Variants in HSD17B4 observed in about 807,000 individuals in gnomAD.
HSD17B4 encodes the protein peroxisomal multifunctional enzyme type 2.
Under a neutral mutation model 101.0 loss-of-function variants are expected in HSD17B4, and 70 were observed. That is an observed-to-expected ratio of 0.69 (90% CI 0.57 to 0.85). The LOEUF (loss-of-function observed/expected upper bound fraction) is 0.85. HSD17B4 is among the 40% of genes least tolerant of loss of function. The pLI, the probability that HSD17B4 is intolerant of heterozygous loss-of-function variation, is 0.00. For missense variants in HSD17B4, 984 were observed against 892.4 expected, an observed-to-expected ratio of 1.10 and a Z score of -1.31; for synonymous variants, 347 against 297.1, an observed-to-expected ratio of 1.17 and a Z score of -1.73.
chr5:119,529,011 A>G (rs1209256684), intron 20 of HSD17B4, among the ~76,000 whole-genome samples: 1 of 152,136 alleles, frequency 6.6e-6, no homozygotes, highest in Non-Finnish European at 1.5e-5. Context: ...AAAGTAATTT[A>G]CTGAAGTGCA....
intron 8 of HSD17B4, among the ~76,000 whole-genome samples, chr5:119,481,448 C>T (rs928236794): frequency 3.9e-5 from 6 of 152,104 alleles, no homozygotes; most frequent in East Asian, 3.9e-4. Flanking sequence ...TCTTTCAACA[C>T]TTTAAATACA....
chr5:119,504,131 G>C (rs752365194), intron 14 of HSD17B4, among the ~76,000 whole-genome samples: 5 of 152,098 alleles, frequency 3.3e-5, no homozygotes, highest in Non-Finnish European at 5.9e-5. Context: ...TCATGGCTGC[G>C]TAGTATTCCA....
intron 22 of HSD17B4, among the ~76,000 whole-genome samples, chr5:119,532,062 A>G (rs1754162526): frequency 6.6e-6 from 1 of 152,188 alleles, no homozygotes; most frequent in African/African-American, 2.4e-5. Flanking sequence ...AAAAAGAATA[A>G]AGAAAAAATA....
intron 12 of HSD17B4, among the ~76,000 whole-genome samples, chr5:119,498,941 A>G (rs1376924671): frequency 2.6e-5 from 4 of 152,160 alleles, no homozygotes; most frequent in Non-Finnish European, 5.9e-5. Context: ...GCAGTGTTTT[A>G]CTCATCTGTT....
rs370579120 is a variant in HSD17B4 at position 119,499,338 on chromosome 5, C to T, written c.994C>T (p.Leu332Phe). Reference sequence around the variant, plus strand: ...TTAGGCTGGAGCTATTGGCCAGAAACTCCCTCCATTTTCTTATGCTTATAC... The same window carrying T: ...TTAGGCTGGAGCTATTGGCCAGAAATTCCCTCCATTTTCTTATGCTTATAC... ...SGFAGAIGQK[L>F]PPFSYAYTEL... The change falls in exon 13 of 24, where the codon CTC (leucine) becomes TTC (phenylalanine). Residue 332 changes from leucine (L) to phenylalanine (F), a missense_variant. Leu to Phe is a conservative substitution (Grantham distance 22). Transcript: ENST00000510025. The T allele has an allele frequency of 9.9e-5, 159 of 1,612,706 alleles. No homozygotes were observed. Among genetic ancestry groups the T allele is most frequent in the Non-Finnish European group, 1.3e-4 (154 of 1,178,858 alleles).
At chr5:119,501,685 A>G (rs1444174136) in intron 13 of HSD17B4, among the ~76,000 whole-genome samples, 1 of 152,140 alleles carries the variant, frequency 6.6e-6, no homozygotes, top group Non-Finnish European at 1.5e-5. Context: ...ATTCTTATTC[A>G]ATGAATATTT....
chr5:119,458,994 A>T (rs2126622881), intron 2 of HSD17B4, among the ~76,000 whole-genome samples: 1 of 152,362 alleles, frequency 6.6e-6, no homozygotes, highest in South Asian at 2.1e-4. Flanking sequence ...AAAGAAAGGG[A>T]GTTCTACTCT....
At chr5:119,515,224 G>A (rs1422688789) in intron 17 of HSD17B4, among the ~76,000 whole-genome samples, 178 bp downstream of exon 17, 1 of 151,778 alleles carries the variant, frequency 6.6e-6, no homozygotes, top group Non-Finnish European at 1.5e-5. Context: ...TTAATTTTTA[G>A]TTATTAATGT....
At chr5:119,474,107 C>T in intron 3 of HSD17B4, 92 bp downstream of exon 3, 4 of 798,838 alleles carry the variant, frequency 5.0e-6, no homozygotes, top group Non-Finnish European at 8.6e-6. Flanking sequence ...CTCAGTATTC[C>T]AGTATAATTA....
At chr5:119,523,146 T>C (rs1201895075) in intron 17 of HSD17B4, among the ~76,000 whole-genome samples, 1 of 152,156 alleles carries the variant, frequency 6.6e-6, no homozygotes, top group East Asian at 1.9e-4. Context: ...TATTTTTTTT[T>C]TCGAGGATAT....
Position 119,527,169 on chromosome 5 carries a change from C to G in HSD17B4, c.1717C>G (p.Leu573Val), listed in dbSNP as rs535087010. Reference protein sequence around the residue: ...FAKPVYPGQTLQTEMWKEGNR... With the variant: ...FAKPVYPGQTVQTEMWKEGNR... ...AAAACCAGTATATCCAGGACAAACT[C>G]TACAAACTGAGATGTGGAAGGAAGG... The change falls in exon 20 of 24, where the codon CTA (leucine) becomes GTA (valine). Residue 573 changes from leucine to valine, a missense_variant. Transcript: ENST00000510025. 3.1e-6 allele frequency: 5 copies of G among 1,610,416 alleles called. No homozygotes were observed. The highest frequency in any genetic ancestry group is 3.3e-4 in the Middle Eastern group (2 of 6,036).
At chr5:119,458,912 A>G (rs1346672468) in intron 2 of HSD17B4, among the ~76,000 whole-genome samples, 1 of 152,242 alleles carries the variant, frequency 6.6e-6, no homozygotes, top group African/African-American at 2.4e-5. Flanking sequence ...AGTTCTCTGA[A>G]TAGTAAGTTT....
At chr5:119,477,045 A>C (rs1341138305) in intron 6 of HSD17B4, among the ~76,000 whole-genome samples, 1 of 152,170 alleles carries the variant, frequency 6.6e-6, no homozygotes, top group Non-Finnish European at 1.5e-5. Context: ...GAGCTATGTG[A>C]TTTATGATTA....
chr5:119,539,381 A>G (rs1049008166), intron 23 of HSD17B4, among the ~76,000 whole-genome samples: 7 of 143,216 alleles, frequency 4.9e-5, no homozygotes, highest in African/African-American at 1.5e-4. Flanking sequence ...GAATTGAACA[A>G]TGAGAACACC....
At position 119,531,216 on chromosome 5, in the gene HSD17B4, A is replaced by T. The variant is rs34072936; in HGVS notation, c.1855-50A>T. 83 of 1,589,910 alleles carry T rather than the reference A, an allele frequency of 5.2e-5. No homozygotes were observed. In the East Asian group the frequency reaches 1.8e-3, roughly 35 times the overall value. On this transcript the variant is annotated intron_variant, in intron 21 of 23. Transcript: ENST00000510025. ...ACATGTTTTATAATCACTTTTCTCC[A>T]TGAGTTATTTTTACAGAACTTTTAA...
At position 119,529,966 on chromosome 5, in the gene HSD17B4, A is replaced by T. The variant is rs753272521; in HGVS notation, c.1840A>T (p.Lys614Ter). 1.3e-6 allele frequency: 2 copies of T among 1,598,604 alleles called. No individual in the cohort carries two copies. The highest frequency in any genetic ancestry group is 1.7e-5 in the Admixed American group (1 of 59,912). ...DLAPTSGTSA[K>*]TPSEGGKLQS... The stretch of plus-strand genomic sequence containing the variant: ...TGCACCAACATCTGGTACTTCAGCT[A>T]AGACACCCTCTGAGGTAGGTTATAA... Residue 614 changes from lysine (K) to a stop codon, truncating the protein, a stop_gained, in exon 21 of 24, where the codon AAG becomes TAG. Transcript: ENST00000510025. LOFTEE classifies it high-confidence loss of function.
At chr5:119,527,802 C>G (rs981733751) in intron 20 of HSD17B4, among the ~76,000 whole-genome samples, 3 of 152,072 alleles carry the variant, frequency 2.0e-5, no homozygotes, top group African/African-American at 7.2e-5. Context: ...GGACAGAAAT[C>G]ATATGCATCT....
At chr5:119,502,184 TG>T (rs1751232253) in intron 14 of HSD17B4, 92 bp downstream of exon 14, 15 of 832,880 alleles carry the variant, frequency 1.8e-5, no homozygotes, top group Non-Finnish European at 2.9e-5. Context: ...TGGTATAGAG[TG>T]ACCTAATGAA....
Position 119,493,962 on chromosome 5 carries a change from G to A in HSD17B4, c.868+16G>A, listed in dbSNP as rs35442141. On this transcript the variant is annotated intron_variant, in intron 11 of 23. Coordinates refer to ENST00000510025, the MANE Select transcript of HSD17B4 (RefSeq NM_000414.4). ...AGTATCCAAGGTAAAGAGAGTCCCCGTCACTTAGCCCTGGTTGGGGAATCA... is the reference window on the plus strand; with the variant it reads ...AGTATCCAAGGTAAAGAGAGTCCCCATCACTTAGCCCTGGTTGGGGAATCA... 1.4e-5 allele frequency: 22 copies of A among 1,612,330 alleles called. No individual in the cohort carries two copies. Among genetic ancestry groups the A allele is most frequent in the African/African-American group, 5.3e-5 (4 of 74,828 alleles).
Sources: allele counts gnomAD v4.1 joint callset (sites outside exome capture counted in the v4.1 genomes callset), GRCh38; gene constraint gnomAD v4.1.1; transcripts MANE v1.5; gene names NCBI Gene and HGNC (gene_info 2026-07-23, HGNC 2026-07-21).